The following ABHD2 variants were observed in gnomAD, a reference collection of about 807,000 sequenced individuals.
ABHD2 encodes the protein abhydrolase domain containing 2, acylglycerol lipase.
In ABHD2, 20 loss-of-function variants were observed where a neutral mutation model predicts 48.1. That is an observed-to-expected ratio of 0.42 (90% CI 0.29 to 0.60). The LOEUF (loss-of-function observed/expected upper bound fraction) is 0.60, where lower values mean the gene tolerates loss of function less well. ABHD2 is among the 20% of genes least tolerant of loss of function. ABHD2 has a pLI of 0.24. For synonymous variants in ABHD2, 209 were observed against 214.2 expected (o/e 0.98, Z 0.21); for missense variants, 405 against 550.9 (o/e 0.74, Z 2.65).
chr15:89,163,482 GAGGTAGGTTTTAATT>G (rs1303511105), intron 5 of ABHD2, among the ~76,000 whole-genome samples: 2 of 152,226 alleles, frequency 1.3e-5, no homozygotes, highest in African/African-American at 2.4e-5. Context: ...TACTGCCTCA[GAGGTAGGTTTTAATT>G]AGTATCCCCA....
chr15:89,052,908 G>A, the ABHD2 span, among the ~76,000 whole-genome samples: 1 of 151,750 alleles, frequency 6.6e-6, no homozygotes, highest in Non-Finnish European at 1.5e-5. Flanking sequence ...CCACCTCAGG[G>A]TGTCTTAGAC....
At chr15:89,048,364 C>T in the ABHD2 span, among the ~76,000 whole-genome samples, 17 of 151,954 alleles carry the variant, frequency 1.1e-4, no homozygotes, top group African/African-American at 4.1e-4. Flanking sequence ...GTGAATCTGA[C>T]AATTATGTGT....
the ABHD2 span, among the ~76,000 whole-genome samples, chr15:89,073,983 G>A: frequency 6.6e-6 from 1 of 152,206 alleles, no homozygotes; most frequent in African/African-American, 2.4e-5. Context: ...AGGAGAAAGA[G>A]AAAGGGCTTT....
chr15:89,052,070 T>A, the ABHD2 span, among the ~76,000 whole-genome samples: 24 of 152,160 alleles, frequency 1.6e-4, no homozygotes, highest in Admixed American at 9.8e-4. Context: ...AACAATACCA[T>A]ACATGGAGGC....
chr15:89,144,393 A>G (rs775014869), intron 3 of ABHD2, among the ~76,000 whole-genome samples: 10 of 152,214 alleles, frequency 6.6e-5, no homozygotes, highest in Non-Finnish European at 1.3e-4. Context: ...TTGGCCTCCC[A>G]AAGTGCTGGG....
chr15:89,132,333 C>T (rs978479722), intron 3 of ABHD2, among the ~76,000 whole-genome samples: 5 of 152,106 alleles, frequency 3.3e-5, no homozygotes, highest in Non-Finnish European at 5.9e-5. Flanking sequence ...ATAGAAGGGG[C>T]TAAATAAATG....
the ABHD2 span, among the ~76,000 whole-genome samples, chr15:89,073,870 A>T: frequency 6.6e-6 from 1 of 152,146 alleles, no homozygotes; most frequent in Non-Finnish European, 1.5e-5. Flanking sequence ...GCCCCACCCC[A>T]GCGTTTTTTA....
At chr15:89,066,686 G>T in the ABHD2 span, among the ~76,000 whole-genome samples, 1 of 152,264 alleles carries the variant, frequency 6.6e-6, no homozygotes, top group African/African-American at 2.4e-5. Flanking sequence ...GGTGCTGGAG[G>T]TCTTAAGCCA....
At chr15:89,057,250 G>A in the ABHD2 span, among the ~76,000 whole-genome samples, 4 of 152,148 alleles carry the variant, frequency 2.6e-5, no homozygotes, top group African/African-American at 9.7e-5. Flanking sequence ...AAGTGAAAAG[G>A]GTAAAGGATC....
chr15:89,108,799 AATTTT>A (rs1421227699), intron 1 of ABHD2, among the ~76,000 whole-genome samples: 1 of 152,246 alleles, frequency 6.6e-6, no homozygotes, highest in Non-Finnish European at 1.5e-5. Context: ...AGTTCTTAAG[AATTTT>A]ACTGTGTAAT....
At chr15:89,107,571 A>C (rs567411907) in intron 1 of ABHD2, among the ~76,000 whole-genome samples, 1 of 152,170 alleles carries the variant, frequency 6.6e-6, no homozygotes, top group East Asian at 1.9e-4. Context: ...ATACGGTAGT[A>C]TTGTATGCCG....
chr15:89,124,175 G>A (rs1163376598), intron 3 of ABHD2, among the ~76,000 whole-genome samples: 1 of 152,210 alleles, frequency 6.6e-6, no homozygotes, highest in Non-Finnish European at 1.5e-5. Flanking sequence ...AAATCTCTCT[G>A]ATAGTGCAAT....
the ABHD2 span, among the ~76,000 whole-genome samples, chr15:89,056,592 G>A: frequency 1.1e-4 from 16 of 151,996 alleles, no homozygotes; most frequent in Admixed American, 7.2e-4. Flanking sequence ...GCAGTGAGCC[G>A]AGTTCGCACC....
Position 89,191,906 on chromosome 15 carries a change from C to T in ABHD2, c.996+757C>T, listed in dbSNP as rs567175353. On this transcript the variant is annotated intron_variant, in intron 9 of 10. Coordinates refer to ENST00000352732, the MANE Select transcript of ABHD2 (RefSeq NM_152924.5). ...CCTCCCAAAATGCTGGGATTACAGGCGTGAGACACCATGCCCAGCTGAGAT... is the reference window on the plus strand; with the variant it reads ...CCTCCCAAAATGCTGGGATTACAGGTGTGAGACACCATGCCCAGCTGAGAT... 1.0e-3 allele frequency among the ~76,000 whole-genome samples: 146 copies of T among 144,958 alleles called. 1 individual carries two copies. The highest frequency in any genetic ancestry group is 3.5e-3 in the Middle Eastern group (1 of 288).
rs1418473031 is a variant in ABHD2, at chr15:89,168,814, G to A, written c.539-6998G>A. Among the ~76,000 whole-genome samples the A allele has an allele frequency of 2.6e-5, 4 of 152,158 alleles. No homozygotes were observed. The East Asian group carries it at 7.7e-4, about 29-fold the overall frequency. On this transcript the variant is annotated intron_variant, in intron 5 of 10. Coordinates refer to ENST00000352732, the MANE Select transcript of ABHD2 (RefSeq NM_152924.5). The surrounding 1 kb of genome is among the most constrained non-coding windows in gnomAD (Gnocchi z 4.8). ...AAGCTGGGTGCAGTGGCTCACACCT[G>A]TAATCTCAGCACTTTGGGAAAGGAA...
At chr15:89,062,967 C>CTTTT in the ABHD2 span, among the ~76,000 whole-genome samples, 1 of 129,374 alleles carries the variant, frequency 7.7e-6, no homozygotes, top group African/African-American at 2.9e-5. Flanking sequence ...ATTGCTGCTG[C>CTTTT]TTTTTTTTTT....
At chr15:89,056,978 A>G in the ABHD2 span, among the ~76,000 whole-genome samples, 1 of 132,282 alleles carries the variant, frequency 7.6e-6, no homozygotes, top group Non-Finnish European at 1.5e-5. Flanking sequence ...CAATGGCGCC[A>G]TCTCGGCTCA....
chr15:89,054,195 G>T, the ABHD2 span, among the ~76,000 whole-genome samples: 4 of 151,810 alleles, frequency 2.6e-5, no homozygotes, highest in African/African-American at 4.8e-5. Context: ...GGTGACACAC[G>T]CCTGTAGTCC....
In ABHD2 at chr15:89,186,021, G is replaced by A. The variant is rs1176522892; in HGVS notation, c.815+505G>A. 6.6e-6 allele frequency among the ~76,000 whole-genome samples: 1 copy of A among 152,180 alleles called. No individual in the cohort carries two copies. The highest frequency in any genetic ancestry group is 1.5e-5 in the Non-Finnish European group (1 of 68,026). ...TACTGAATTTGCCAAATTGCCTTAT[G>A]CTTTTATAATTCCCAGTAAATCTAA... On this transcript the variant is annotated intron_variant, in intron 7 of 10. Transcript: ENST00000352732. The surrounding 1 kb of genome is among the most constrained non-coding windows in gnomAD (Gnocchi z 4.3).
Sources: allele counts gnomAD v4.1 joint callset (sites outside exome capture counted in the v4.1 genomes callset), GRCh38; gene constraint gnomAD v4.1.1; non-coding constraint Gnocchi (gnomAD v3.1); transcripts MANE v1.5; gene names NCBI Gene and HGNC (gene_info 2026-07-23, HGNC 2026-07-21).